Variants in NLGN1 observed in about 807,000 individuals in gnomAD.
NLGN1 encodes neuroligin 1.
NLGN1 carries 12 observed loss-of-function variants against 65.5 expected under a neutral mutation model. The observed-to-expected ratio is 0.18, with a 90% CI of 0.12 to 0.30. The LOEUF is 0.30. Among genes scored for constraint, NLGN1 ranks in the 10% least tolerant of loss-of-function variants. The probability of loss-of-function intolerance (pLI) is 1.00; values close to 1 mark genes in which losing one functional copy is unlikely to be tolerated. For missense variants in NLGN1, 750 were observed against 1,007.1 expected (o/e 0.74, Z 3.46); for synonymous variants, 350 against 359.5 (o/e 0.97, Z 0.30).
At chr3:173,877,746 A>G (rs1250752975) in intron 4 of NLGN1, among the ~76,000 whole-genome samples, 2 of 152,180 alleles carry the variant, frequency 1.3e-5, no homozygotes, top group South Asian at 2.1e-4. Flanking sequence ...TACATATCCA[A>G]TTTTAAGATA....
At chr3:173,831,689 G>A (rs1188911887) in intron 4 of NLGN1, among the ~76,000 whole-genome samples, 1 of 152,052 alleles carries the variant, frequency 6.6e-6, no homozygotes, top group African/African-American at 2.4e-5. Flanking sequence ...ACAATCACGT[G>A]CATTTTATGG....
chr3:173,842,705 G>A (rs1042274738), intron 4 of NLGN1, among the ~76,000 whole-genome samples: 4 of 152,174 alleles, frequency 2.6e-5, no homozygotes, highest in African/African-American at 9.7e-5. Context: ...ATGGTCTTGG[G>A]CAGCTCCGCC....
At position 174,171,459 on chromosome 3, in the gene NLGN1, A is replaced by G. The variant is rs1052621710; in HGVS notation, c.647-103856A>G. Among the ~76,000 whole-genome samples the G allele has an allele frequency of 4.9e-4, 74 of 152,150 alleles. 1 individual carries two copies. The highest frequency in any genetic ancestry group is 8.8e-5 in the Non-Finnish European group (6 of 68,014). ...GCTCGTTAAAAATAAGTAGTGGCAC[A>G]CTTTATGATATTGGCAAAGAAAAAC... On this transcript the variant is annotated intron_variant, in intron 4 of 6. Transcript: ENST00000457714.
intron 1 of NLGN1, among the ~76,000 whole-genome samples, chr3:173,429,367 T>C (rs1213530795): frequency 1.3e-5 from 2 of 152,202 alleles, no homozygotes; most frequent in East Asian, 3.9e-4. Context: ...TTTTGTTAAA[T>C]TTATCTGAAT....
chr3:174,026,432 A>T (rs1728842189), intron 4 of NLGN1, among the ~76,000 whole-genome samples: 1 of 152,150 alleles, frequency 6.6e-6, no homozygotes, highest in Non-Finnish European at 1.5e-5. Context: ...GGCCTACATG[A>T]TTTTTTTAAA....
chr3:174,123,396 CTG>C (rs1427161464), intron 4 of NLGN1, among the ~76,000 whole-genome samples: 1 of 149,398 alleles, frequency 6.7e-6, no homozygotes, highest in African/African-American at 2.5e-5. Flanking sequence ...AGTCAAGAGG[CTG>C]TTTTTGTTGT....
At chr3:174,129,910 C>T (rs1053342320) in intron 4 of NLGN1, among the ~76,000 whole-genome samples, 1 of 152,236 alleles carries the variant, frequency 6.6e-6, no homozygotes, top group African/African-American at 2.4e-5. Flanking sequence ...AATATCTTTA[C>T]ATTTACTACT....
chr3:173,628,722 C>T (rs941483587), intron 3 of NLGN1, among the ~76,000 whole-genome samples: 1 of 151,718 alleles, frequency 6.6e-6, no homozygotes, highest in Non-Finnish European at 1.5e-5. Flanking sequence ...GAAATAGAGT[C>T]TTGCTTTGTT....
intron 2 of NLGN1, among the ~76,000 whole-genome samples, chr3:173,478,508 A>G (rs1440014827): frequency 2.6e-5 from 4 of 152,326 alleles, no homozygotes; most frequent in South Asian, 2.1e-4. Flanking sequence ...ATGTTTACCT[A>G]TGTAACAAAC....
chr3:173,483,725 G>T (rs923917710), intron 2 of NLGN1, among the ~76,000 whole-genome samples: 1 of 152,090 alleles, frequency 6.6e-6, no homozygotes, highest in African/African-American at 2.4e-5. Context: ...CTTATAGAGT[G>T]GAAGGGCCCT....
chr3:173,497,558 A>C (rs2149039793), intron 2 of NLGN1, among the ~76,000 whole-genome samples: 1 of 151,916 alleles, frequency 6.6e-6, no homozygotes, highest in African/African-American at 2.4e-5. Flanking sequence ...TCATAGCATA[A>C]TTTTAAGAGC....
At chr3:173,446,040 CT>C (rs1237872354) in intron 2 of NLGN1, among the ~76,000 whole-genome samples, 2 of 151,424 alleles carry the variant, frequency 1.3e-5, no homozygotes, top group African/African-American at 4.8e-5. Flanking sequence ...AATTTTCCTT[CT>C]TTTTTCTTTT....
chr3:173,495,743 G>A (rs1023312295), intron 2 of NLGN1, among the ~76,000 whole-genome samples: 1 of 145,606 alleles, frequency 6.9e-6, no homozygotes, highest in Admixed American at 6.9e-5. Flanking sequence ...ACCATCTTAA[G>A]TGTATTATCA....
chr3:173,530,550 A>G (rs1316677597), intron 2 of NLGN1, among the ~76,000 whole-genome samples: 1 of 152,206 alleles, frequency 6.6e-6, no homozygotes, highest in Non-Finnish European at 1.5e-5. Context: ...ACTTACAGAT[A>G]TTTAACCATA....
intron 2 of NLGN1, among the ~76,000 whole-genome samples, chr3:173,539,132 G>A (rs558645647): frequency 6.6e-6 from 1 of 152,088 alleles, no homozygotes; most frequent in Non-Finnish European, 1.5e-5. Flanking sequence ...GTCCCACAGA[G>A]GTCCTGTGGT....
intron 2 of NLGN1, among the ~76,000 whole-genome samples, chr3:173,596,169 A>G (rs1749457633): frequency 6.6e-6 from 1 of 152,078 alleles, no homozygotes; most frequent in Non-Finnish European, 1.5e-5. Flanking sequence ...TCTCATTAAC[A>G]TTCTATTTTC....
intron 4 of NLGN1, among the ~76,000 whole-genome samples, chr3:174,100,960 T>A (rs16833295): frequency 0.28 from 41,918 of 151,886 alleles, 7,522 homozygotes; most frequent in African/African-American, 0.52. Context: ...GAGGCTCCGT[T>A]TTCCCCTCTG....
At chr3:173,544,156 G>A (rs1386044328) in intron 2 of NLGN1, among the ~76,000 whole-genome samples, 1 of 151,868 alleles carries the variant, frequency 6.6e-6, no homozygotes, top group Non-Finnish European at 1.5e-5. Flanking sequence ...AGGCATAATA[G>A]CATGCCAAGT....
intron 3 of NLGN1, among the ~76,000 whole-genome samples, chr3:173,708,918 T>C (rs1457324259): frequency 6.6e-6 from 1 of 152,262 alleles, no homozygotes; most frequent in Non-Finnish European, 1.5e-5. Flanking sequence ...TTATTCGGTA[T>C]ATTAATTTTG....
Sources: allele counts gnomAD v4.1 joint callset (sites outside exome capture counted in the v4.1 genomes callset), GRCh38; gene constraint gnomAD v4.1.1; transcripts MANE v1.5; gene names NCBI Gene and HGNC (gene_info 2026-07-23, HGNC 2026-07-21).